The following MYO16 variants were observed in gnomAD, a reference collection of about 807,000 sequenced individuals.
The protein encoded by MYO16 is myosin XVI.
A neutral mutation model predicts 205.3 loss-of-function variants in MYO16; 94 were observed. The ratio of observed to expected loss-of-function variants is 0.46; its 90% confidence interval spans 0.39 to 0.54. MYO16 has a LOEUF of 0.54. Ranked by LOEUF, MYO16 falls within the 20% of genes least tolerant of loss-of-function variation. MYO16 has a pLI of 0.00. For synonymous variants in MYO16, 988 were observed against 954.0 expected, an observed-to-expected ratio of 1.04 and a Z score of -0.66; for missense variants, 2,315 against 2,387.5, an observed-to-expected ratio of 0.97 and a Z score of 0.63.
chr13:109,127,439 C>T lies in MYO16; in HGVS notation c.3940C>T (p.Pro1314Ser), dbSNP rs1409516838. 18 of 1,614,084 alleles carry T rather than the reference C, an allele frequency of 1.1e-5. No individual in the cohort carries two copies. Among genetic ancestry groups the T allele is most frequent in the Non-Finnish European group, 1.4e-5 (17 of 1,180,034 alleles). The change falls in exon 31 of 35, where the codon CCA becomes TCA. Residue 1314 changes from proline to serine, a missense_variant. Coordinates refer to ENST00000457511, the MANE Select transcript of MYO16 (RefSeq NM_001198950.3). This position sits in a 1 kb window ranked among gnomAD's most constrained non-coding sequence, Gnocchi z 4.2. The part of the protein sequence containing the change: ...SMDDSSSLPS[P>S]RKQPPPKPKR... ...GGATGACAGCAGCAGCCTCCCGTCT[C>T]CACGGAAACAGCCCCCGCCCAAGCC...
intron 34 of MYO16, among the ~76,000 whole-genome samples, chr13:109,181,448 T>C (rs1356071063): frequency 6.6e-6 from 1 of 152,246 alleles, no homozygotes; most frequent in African/African-American, 2.4e-5. Flanking sequence ...TTTTTAGCTT[T>C]TCTACTAATG....
At chr13:109,184,771 C>CTT (rs538955668) in intron 34 of MYO16, among the ~76,000 whole-genome samples, 2 of 143,404 alleles carry the variant, frequency 1.4e-5, no homozygotes, top group African/African-American at 5.1e-5. Flanking sequence ...TAATTTTTTT[C>CTT]TTTTTTTTTT....
chr13:108,578,540 G>A, the MYO16 span, among the ~76,000 whole-genome samples: 9 of 152,212 alleles, frequency 5.9e-5, no homozygotes, highest in Non-Finnish European at 1.3e-4. Context: ...CTTTTTGTTT[G>A]GTGGGTGCTG....
intron 3 of MYO16, among the ~76,000 whole-genome samples, chr13:108,721,702 T>C (rs1884170245): frequency 6.6e-6 from 1 of 152,196 alleles, no homozygotes; most frequent in South Asian, 2.1e-4. Flanking sequence ...TCCAGAAGAA[T>C]CAATGATAAG....
At chr13:109,067,971 A>G (rs1887805059) in intron 27 of MYO16, among the ~76,000 whole-genome samples, 1 of 152,208 alleles carries the variant, frequency 6.6e-6, no homozygotes. Context: ...TGAAACAAAT[A>G]CGCAAAGCTG....
At chr13:108,659,385 T>A in intron 1 of MYO16, 1 of 433,362 alleles carries the variant, frequency 2.3e-6, no homozygotes, top group South Asian at 1.6e-5. Flanking sequence ...TAACTAGATG[T>A]CAGATATTTC....
chr13:108,903,853 T>A (rs1281607997), intron 15 of MYO16, among the ~76,000 whole-genome samples: 1 of 152,182 alleles, frequency 6.6e-6, no homozygotes, highest in Non-Finnish European at 1.5e-5. Context: ...ACTAAAATAG[T>A]TAATCAAATT....
At chr13:108,676,113 G>A (rs192519640) in intron 2 of MYO16, among the ~76,000 whole-genome samples, 35 of 152,220 alleles carry the variant, frequency 2.3e-4, no homozygotes, top group African/African-American at 7.0e-4. Context: ...ATCAGTGATC[G>A]TCACCGTGAG....
chr13:108,714,684 A>G (rs1883872215), intron 3 of MYO16, among the ~76,000 whole-genome samples: 1 of 152,058 alleles, frequency 6.6e-6, no homozygotes, highest in South Asian at 2.1e-4. Context: ...CTATCTTTAA[A>G]TTAGTTGTAA....
the MYO16 span, among the ~76,000 whole-genome samples, chr13:108,561,060 T>A: frequency 2.0e-5 from 3 of 152,244 alleles, no homozygotes; most frequent in African/African-American, 7.2e-5. Flanking sequence ...TTACTCATGA[T>A]GCATATACAA....
At chr13:108,972,249 C>CTCTCTCTATATATATATA (rs1178345437) in intron 20 of MYO16, among the ~76,000 whole-genome samples, 3 of 2,848 alleles carry the variant, frequency 1.1e-3, no homozygotes, top group African/African-American at 2.7e-3. Flanking sequence ...CTCTCTCTCT[C>CTCTCTCTATATATATATA]TATATATATA....
intron 27 of MYO16, among the ~76,000 whole-genome samples, chr13:109,063,741 T>C (rs957998433): frequency 6.6e-6 from 1 of 151,904 alleles, no homozygotes; most frequent in Non-Finnish European, 1.5e-5. Flanking sequence ...GTTATATATA[T>C]TGTGTTTGGA....
chr13:108,965,347 G>A (rs774810223), intron 20 of MYO16, among the ~76,000 whole-genome samples: 2 of 152,062 alleles, frequency 1.3e-5, no homozygotes, highest in African/African-American at 2.4e-5. Flanking sequence ...CACTTATTTC[G>A]TGGATTATGG....
chr13:109,176,577 TAAAAAAAAA>T (rs36054088), intron 33 of MYO16, among the ~76,000 whole-genome samples: 9 of 44,942 alleles, frequency 2.0e-4, no homozygotes, highest in East Asian at 3.1e-3. Flanking sequence ...ATTGTGCTGG[TAAAAAAAAA>T]AAAAAAAAAA....
the MYO16 span, among the ~76,000 whole-genome samples, chr13:108,560,491 A>G: frequency 6.6e-6 from 1 of 152,240 alleles, no homozygotes; most frequent in African/African-American, 2.4e-5. Flanking sequence ...TTCCAGTAAA[A>G]GGGTACTTGA....
At chr13:109,032,626 A>T (rs573598641) in intron 23 of MYO16, among the ~76,000 whole-genome samples, 1 of 152,334 alleles carries the variant, frequency 6.6e-6, no homozygotes, top group South Asian at 2.1e-4. Context: ...AGATTGATAG[A>T]TGTAGACTTT....
intron 16 of MYO16, among the ~76,000 whole-genome samples, chr13:108,931,216 CA>C (rs1461793236): frequency 6.6e-6 from 1 of 152,184 alleles, no homozygotes; most frequent in Non-Finnish European, 1.5e-5. Context: ...TGCTCTCAGG[CA>C]TTCCTGTCTG....
chr13:108,904,384 CTT>C (rs1408629220), intron 15 of MYO16, among the ~76,000 whole-genome samples: 1 of 152,120 alleles, frequency 6.6e-6, no homozygotes, highest in Non-Finnish European at 1.5e-5. Context: ...AAAAGGAAAA[CTT>C]TGCCAACAAT....
intron 21 of MYO16, among the ~76,000 whole-genome samples, chr13:109,002,870 G>A (rs1029592919): frequency 6.6e-6 from 1 of 152,138 alleles, no homozygotes; most frequent in African/African-American, 2.4e-5. Flanking sequence ...CCATGACTTT[G>A]GCAAAACCAT....
Sources: allele counts gnomAD v4.1 joint callset (sites outside exome capture counted in the v4.1 genomes callset), GRCh38; gene constraint gnomAD v4.1.1; non-coding constraint Gnocchi (gnomAD v3.1); transcripts MANE v1.5; gene names NCBI Gene and HGNC (gene_info 2026-07-23, HGNC 2026-07-21).